The following MEMO1 variants were observed in gnomAD, a reference collection of about 807,000 sequenced individuals.
MEMO1 encodes the protein mediator of cell motility 1, also known as protein MEMO1.
Under a neutral mutation model 45.2 loss-of-function variants are expected in MEMO1, and 6 were observed. That is an observed-to-expected ratio of 0.13 (90% CI 0.07 to 0.26). MEMO1 has a LOEUF of 0.26. Among genes scored for constraint, MEMO1 ranks in the 10% least tolerant of loss-of-function variants. The probability of loss-of-function intolerance (pLI) is 1.00; values close to 1 mark genes in which losing one functional copy is unlikely to be tolerated. For synonymous variants in MEMO1, 78 were observed against 124.3 expected (o/e 0.63, Z 2.48); for missense variants, 184 against 370.5 (o/e 0.50, Z 4.13).
chr2:31,882,068 C>T (rs1012321762), intron 8 of MEMO1, among the ~76,000 whole-genome samples: 9 of 151,552 alleles, frequency 5.9e-5, no homozygotes, highest in South Asian at 2.1e-4. Flanking sequence ...CGCTTGAGCC[C>T]GGGAAGTAGA....
rs1427569813 is a variant in MEMO1 at position 31,882,233 on chromosome 2, G to C, written c.657+1153C>G. On this transcript the variant is annotated intron_variant, in intron 8 of 9. Coordinates refer to ENST00000404530, the MANE Select transcript of MEMO1 (RefSeq NM_001301833.4). ...ACTCAGGAGGCTAAGGCAGGAGATT[G>C]CTTAAGCCCAGGAATTCCAGGTTGC... 3.3e-5 allele frequency among the ~76,000 whole-genome samples: 5 copies of C among 152,060 alleles called. No individual in the cohort carries two copies. The East Asian group carries it at 7.7e-4, about 23-fold the overall frequency.
At chr2:31,978,961 C>T (rs1411527903) in intron 2 of MEMO1, among the ~76,000 whole-genome samples, 1 of 151,126 alleles carries the variant, frequency 6.6e-6, no homozygotes, top group Non-Finnish European at 1.5e-5. Flanking sequence ...GATTATCCAT[C>T]CCCCCCCAAA....
At chr2:31,943,214 G>A (rs746539843) in intron 3 of MEMO1, 88 bp downstream of exon 3, 233 of 974,372 alleles carry the variant, frequency 2.4e-4, no homozygotes, top group Non-Finnish European at 3.2e-4. Flanking sequence ...GCAGTGAGCC[G>A]AGACCATGCC....
Position 31,892,137 on chromosome 2 carries a change from T to TA in MEMO1, c.438-4dup. Reference sequence around the variant, plus strand: ...TAATGGTAAACTCATCCTTATGGCTTAAAGAAAACAGAAAAAAAAAAAATG... The same window carrying TA: ...TAATGGTAAACTCATCCTTATGGCTTAAAAGAAAACAGAAAAAAAAAAAATG... On this transcript the variant is annotated splice_region_variant and splice_polypyrimidine_tract_variant and intron_variant, in intron 6 of 9. Transcript: ENST00000404530. The TA allele has an allele frequency of 1.9e-6, 3 of 1,560,902 alleles. No homozygotes were observed. The highest frequency in any genetic ancestry group is 1.4e-5 in the African/African-American group (1 of 71,654).
intron 4 of MEMO1, among the ~76,000 whole-genome samples, chr2:31,926,239 G>A (rs767650367): frequency 1.2e-4 from 18 of 152,068 alleles, no homozygotes; most frequent in Non-Finnish European, 1.8e-4. Flanking sequence ...AGGCATGCTG[G>A]CACAGGCTGG....
intron 2 of MEMO1, among the ~76,000 whole-genome samples, chr2:31,993,978 T>TTTTTTTTTTTG (rs1672261704): frequency 3.7e-5 from 5 of 133,856 alleles, no homozygotes; most frequent in African/African-American, 1.4e-4. Context: ...TTTTTTTTTT[T>TTTTTTTTTTTG]GAGACAGAGT....
intron 8 of MEMO1, among the ~76,000 whole-genome samples, chr2:31,875,574 GA>G (rs1322232352): frequency 1.3e-5 from 2 of 152,204 alleles, no homozygotes; most frequent in South Asian, 4.2e-4. Context: ...TCTTATTTCT[GA>G]AAAGATCTGA....
intron 6 of MEMO1, among the ~76,000 whole-genome samples, chr2:31,902,335 T>C (rs772037467): frequency 1.3e-4 from 19 of 151,684 alleles, no homozygotes; most frequent in Non-Finnish European, 2.2e-4. Flanking sequence ...GAGGTGGAGG[T>C]TGCGCTGAGC....
chr2:31,894,657 C>G (rs912792054), intron 6 of MEMO1, among the ~76,000 whole-genome samples: 3 of 152,122 alleles, frequency 2.0e-5, no homozygotes, highest in Non-Finnish European at 4.4e-5. Flanking sequence ...AGCGTATGCA[C>G]AGGGGAAGCT....
At chr2:31,913,226 G>C (rs1397410096) in intron 6 of MEMO1, among the ~76,000 whole-genome samples, 2 of 137,024 alleles carry the variant, frequency 1.5e-5, no homozygotes, top group African/African-American at 5.5e-5. Context: ...ATCCAGCCTG[G>C]TGACAGAGCG....
chr2:31,909,383 A>G (rs1025529161), intron 6 of MEMO1, among the ~76,000 whole-genome samples: 1 of 152,194 alleles, frequency 6.6e-6, no homozygotes, highest in Admixed American at 6.5e-5. Context: ...CAAAAACCCT[A>G]AGATCTGATA....
At chr2:31,929,531 T>C (rs1010223736) in intron 4 of MEMO1, among the ~76,000 whole-genome samples, 2 of 152,228 alleles carry the variant, frequency 1.3e-5, no homozygotes, top group Non-Finnish European at 2.9e-5. Context: ...AGTATTTACT[T>C]TGATGGATGG....
At chr2:31,878,212 G>A (rs190722497) in intron 8 of MEMO1, among the ~76,000 whole-genome samples, 6 of 152,170 alleles carry the variant, frequency 3.9e-5, no homozygotes, top group East Asian at 3.9e-4. Context: ...GTGTGTCCAC[G>A]GTAGAGTGAA....
chr2:31,972,749 T>C (rs1572859303), intron 2 of MEMO1, among the ~76,000 whole-genome samples: 1 of 151,868 alleles, frequency 6.6e-6, no homozygotes, highest in South Asian at 2.1e-4. Context: ...TGGGAGGAAA[T>C]ACTTGCAAAT....
chr2:31,970,566 T>C (rs1669266003), intron 2 of MEMO1, among the ~76,000 whole-genome samples: 1 of 152,042 alleles, frequency 6.6e-6, no homozygotes, highest in Non-Finnish European at 1.5e-5. Flanking sequence ...GTTATCATCT[T>C]TTTTTTAACC....
chr2:31,925,746 G>C (rs924411631), intron 4 of MEMO1, among the ~76,000 whole-genome samples: 4 of 152,150 alleles, frequency 2.6e-5, no homozygotes, highest in Admixed American at 6.5e-5. Context: ...TTAGAACAAA[G>C]ATCAAAGCAG....
At chr2:31,880,507 A>G (rs1208115722) in intron 8 of MEMO1, among the ~76,000 whole-genome samples, 1 of 152,222 alleles carries the variant, frequency 6.6e-6, no homozygotes, top group African/African-American at 2.4e-5. Flanking sequence ...ATTCAAATCC[A>G]GATTCCTTAC....
chr2:31,978,540 C>T (rs1360962167), intron 2 of MEMO1, among the ~76,000 whole-genome samples: 1 of 152,196 alleles, frequency 6.6e-6, no homozygotes, highest in African/African-American at 2.4e-5. Flanking sequence ...TTACACAATC[C>T]TCCCACCTCG....
intron 2 of MEMO1, among the ~76,000 whole-genome samples, chr2:31,953,213 A>T (rs1428725552): frequency 6.6e-6 from 1 of 151,838 alleles, no homozygotes; most frequent in Non-Finnish European, 1.5e-5. Flanking sequence ...CTGAAACTAC[A>T]AAATTCACTG....
Sources: allele counts gnomAD v4.1 joint callset (sites outside exome capture counted in the v4.1 genomes callset), GRCh38; gene constraint gnomAD v4.1.1; transcripts MANE v1.5; gene names NCBI Gene and HGNC (gene_info 2026-07-23, HGNC 2026-07-21).